Variants in MECOM observed in about 807,000 individuals in gnomAD.
The protein encoded by MECOM is histone-lysine N-methyltransferase MECOM.
Under a neutral mutation model 116.3 loss-of-function variants are expected in MECOM, and 13 were observed. That is an observed-to-expected ratio of 0.11 (90% CI 0.07 to 0.18). The LOEUF (loss-of-function observed/expected upper bound fraction) is 0.18. Among genes scored for constraint, MECOM ranks in the 10% least tolerant of loss-of-function variants. The probability of loss-of-function intolerance (pLI) is 1.00; values close to 1 mark genes in which losing one functional copy is unlikely to be tolerated. For synonymous variants in MECOM, 528 were observed against 535.2 expected (o/e 0.99, Z 0.19); for missense variants, 1,299 against 1,509.0 (o/e 0.86, Z 2.31).
At chr3:169,318,900 A>G (rs1194654117) in intron 2 of MECOM, among the ~76,000 whole-genome samples, 1 of 152,070 alleles carries the variant, frequency 6.6e-6, no homozygotes, top group Non-Finnish European at 1.5e-5. Context: ...GGAGTTCGAG[A>G]CCAGCCTGGC....
Position 169,115,529 on chromosome 3 carries a change from ACTC to A in MECOM, c.2340_2342del (p.Arg780del), listed in dbSNP as rs762849606. On this transcript the variant is annotated inframe_deletion, in exon 8 of 17. Coordinates refer to ENST00000651503, the MANE Select transcript of MECOM (RefSeq NM_004991.4). ...CAGTCAGCTTTGTCCCACTGGCTCT[ACTC>A]CTACTGCCCATACTTAGATCCAGGG... The A allele has an allele frequency of 2.5e-6, 4 of 1,613,700 alleles. No individual in the cohort carries two copies. The highest frequency in any genetic ancestry group is 3.4e-6 in the Non-Finnish European group (4 of 1,179,948).
rs1720301192 is a variant in MECOM at position 169,093,061 on chromosome 3, C to G, written c.3061G>C (p.Gly1021Arg). ...TCTTCTTTGTCATCCAGAATCGCAC[C>G]TGTACTTTCCAGTTCAGAATGAGGC... ...SSPHSELEST[G>R]AILDDKEDAY... The change falls in exon 14 of 17, where the codon GGT becomes CGT. Residue 1021 changes from glycine (G) to arginine (R), a missense_variant. By Grantham distance (125) the Gly-to-Arg change is moderately radical. Transcript: ENST00000651503. 1 of 1,613,596 alleles carries G rather than the reference C, an allele frequency of 6.2e-7. No homozygotes were observed. The highest frequency in any genetic ancestry group is 8.5e-7 in the Non-Finnish European group (1 of 1,179,720).
At chr3:169,384,255 A>G (rs1402240091) in intron 1 of MECOM, among the ~76,000 whole-genome samples, 1 of 152,164 alleles carries the variant, frequency 6.6e-6, no homozygotes, top group Non-Finnish European at 1.5e-5. Flanking sequence ...TTTTTTTACC[A>G]AATATAGGAA....
At chr3:169,109,891 T>C (rs927738542) in intron 9 of MECOM, among the ~76,000 whole-genome samples, 2 of 152,140 alleles carry the variant, frequency 1.3e-5, no homozygotes, top group Non-Finnish European at 2.9e-5. Context: ...ATAAAGATAT[T>C]CAAAAATTGT....
chr3:169,348,322 A>G (rs1367260908), intron 2 of MECOM, among the ~76,000 whole-genome samples: 3 of 152,062 alleles, frequency 2.0e-5, no homozygotes, highest in Admixed American at 2.0e-4. Flanking sequence ...CAATCTTACT[A>G]CTTTATAGTC....
chr3:169,274,567 G>T (rs1325036033), intron 2 of MECOM, among the ~76,000 whole-genome samples: 2 of 152,034 alleles, frequency 1.3e-5, no homozygotes, highest in Admixed American at 1.3e-4. Context: ...ATGCTAAATA[G>T]AACTAAAGGG....
intron 7 of MECOM, among the ~76,000 whole-genome samples, chr3:169,118,092 A>G (rs1729764461): frequency 6.6e-6 from 1 of 150,646 alleles, no homozygotes. Context: ...AGTCAAAGCA[A>G]TAATAATTAA....
chr3:169,265,329 T>A (rs1297327972), intron 2 of MECOM, among the ~76,000 whole-genome samples: 2 of 152,190 alleles, frequency 1.3e-5, no homozygotes, highest in Non-Finnish European at 2.9e-5. Flanking sequence ...GACCTTGCTG[T>A]GTGGGCAGAC....
intron 2 of MECOM, among the ~76,000 whole-genome samples, chr3:169,297,535 T>C (rs1715843557): frequency 6.6e-6 from 1 of 152,182 alleles, no homozygotes; most frequent in Non-Finnish European, 1.5e-5. Context: ...CTGATTTTTT[T>C]TTTTTAACAG....
intron 7 of MECOM, among the ~76,000 whole-genome samples, chr3:169,120,605 C>G (rs1462812162): frequency 6.6e-6 from 1 of 152,230 alleles, no homozygotes; most frequent in Admixed American, 6.5e-5. Flanking sequence ...TACTCACATA[C>G]ATGCACACAG....
chr3:169,434,694 A>G (rs745758609), intron 1 of MECOM, among the ~76,000 whole-genome samples: 16 of 152,200 alleles, frequency 1.1e-4, no homozygotes, highest in Non-Finnish European at 1.8e-4. Flanking sequence ...TGTAGTAAGG[A>G]AAAAGCTTTA....
chr3:169,181,583 C>T lies in MECOM; in HGVS notation c.376-37751G>A, dbSNP rs191138806. On this transcript the variant is annotated intron_variant, in intron 2 of 16. Transcript: ENST00000651503. ...ATAATTCCAGACTTCAATTATGCCT[C>T]AAACTTTAAATGATACCATTTACCT... Among the ~76,000 whole-genome samples, 44 of 152,256 alleles carry T rather than the reference C, an allele frequency of 2.9e-4. No homozygotes were observed. In the East Asian group the frequency reaches 8.3e-3, roughly 29 times the overall value.
At chr3:169,218,281 A>C (rs1345660167) in intron 2 of MECOM, among the ~76,000 whole-genome samples, 2 of 152,220 alleles carry the variant, frequency 1.3e-5, no homozygotes, top group Non-Finnish European at 2.9e-5. Context: ...ATCTTTAAGA[A>C]GATAAAACTT....
chr3:169,107,208 G>T (rs930328667), intron 10 of MECOM, among the ~76,000 whole-genome samples: 4 of 152,086 alleles, frequency 2.6e-5, no homozygotes, highest in African/African-American at 9.7e-5. Context: ...TATACTTAGA[G>T]AATATTTTTA....
At chr3:169,445,547 G>A (rs187466567) in intron 1 of MECOM, among the ~76,000 whole-genome samples, 2 of 152,324 alleles carry the variant, frequency 1.3e-5, no homozygotes, top group East Asian at 1.9e-4. Flanking sequence ...CAGGGACGGG[G>A]CCCTCATGGA....
chr3:169,577,205 T>G (rs1310840045), intron 1 of MECOM, among the ~76,000 whole-genome samples: 1 of 152,210 alleles, frequency 6.6e-6, no homozygotes, highest in Non-Finnish European at 1.5e-5. Context: ...TGAAATGAGT[T>G]AACGTATAAA....
At chr3:169,251,251 TCAAA>T (rs767701214) in intron 2 of MECOM, among the ~76,000 whole-genome samples, 4 of 152,206 alleles carry the variant, frequency 2.6e-5, no homozygotes, top group African/African-American at 4.8e-5. Context: ...TATAAACTTC[TCAAA>T]CAGTTATAAA....
intron 2 of MECOM, among the ~76,000 whole-genome samples, chr3:169,362,351 G>A (rs768491792): frequency 1.3e-5 from 2 of 151,886 alleles, no homozygotes; most frequent in African/African-American, 2.4e-5. Flanking sequence ...AGCTACAAGA[G>A]ACCTGAGTGA....
At chr3:169,536,202 A>T (rs1759329828) in intron 1 of MECOM, among the ~76,000 whole-genome samples, 1 of 152,060 alleles carries the variant, frequency 6.6e-6, no homozygotes, top group African/African-American at 2.4e-5. Context: ...ACAAACCCCA[A>T]CCTTCTTTAG....
Sources: gnomAD v4.1 joint callset for allele counts (sites outside exome capture counted in the v4.1 genomes callset) on GRCh38, gnomAD v4.1.1 for gene constraint, MANE v1.5 for transcripts, NCBI Gene and HGNC (gene_info 2026-07-23, HGNC 2026-07-21) for gene names.